RERE: variants seen among roughly 807,000 people sequenced by gnomAD.
The protein encoded by RERE is arginine-glutamic acid dipeptide repeats protein.
In RERE, 40 loss-of-function variants were observed where a neutral mutation model predicts 146.1. The ratio of observed to expected loss-of-function variants is 0.27; its 90% CI spans 0.21 to 0.36. RERE has a LOEUF of 0.36. RERE is among the 10% of genes least tolerant of loss of function. RERE has a pLI of 1.00. For missense variants in RERE, 1,933 were observed against 2,138.7 expected, an observed-to-expected ratio of 0.90 and a Z score of 1.90; for synonymous variants, 1,003 against 866.0, an observed-to-expected ratio of 1.16 and a Z score of -2.78.
At chr1:8,398,860 C>T (rs746870200) in intron 12 of RERE, among the ~76,000 whole-genome samples, 1 of 152,206 alleles carries the variant, frequency 6.6e-6, no homozygotes, top group Non-Finnish European at 1.5e-5. Flanking sequence ...ACAGGTGCAT[C>T]AATGTGCGCG....
rs954622529 is a variant in RERE, at chr1:8,358,764, G to A, written c.3771C>T (p.Ser1257=). The A allele has an allele frequency of 2.0e-5, 33 of 1,612,266 alleles. No individual in the cohort carries two copies. Among genetic ancestry groups the A allele is most frequent in the Non-Finnish European group, 2.6e-5 (31 of 1,179,092 alleles). Residue 1257 remains serine, a synonymous_variant, in exon 20 of 23, where the codon AGC becomes AGT. Transcript: ENST00000400908. ...GPDTPALRTL[S]EYARPHVMSP... is the part of the protein sequence containing the mutation. Reference sequence around the variant, plus strand: ...ACATGACGTGGGGCCGGGCGTACTCGCTCAGAGTCCGAAGGGCAGGTGTGT... The same window carrying A: ...ACATGACGTGGGGCCGGGCGTACTCACTCAGAGTCCGAAGGGCAGGTGTGT...
chr1:8,681,073 A>C (rs1638954236), intron 1 of RERE, among the ~76,000 whole-genome samples: 1 of 152,178 alleles, frequency 6.6e-6, no homozygotes, highest in African/African-American at 2.4e-5. Flanking sequence ...CCGGGAAACA[A>C]ATTTCCTAGG....
intron 4 of RERE, among the ~76,000 whole-genome samples, chr1:8,614,049 T>C (rs976968828): frequency 3.9e-5 from 6 of 152,130 alleles, no homozygotes; most frequent in African/African-American, 1.4e-4. Context: ...TTAAGAAGTA[T>C]AGCTACAGCC....
intron 1 of RERE, among the ~76,000 whole-genome samples, chr1:8,737,795 A>G (rs756718815): frequency 1.3e-5 from 2 of 152,166 alleles, no homozygotes; most frequent in Non-Finnish European, 2.9e-5. Flanking sequence ...CACGCAGTAC[A>G]TTTCAACTTT....
intron 12 of RERE, among the ~76,000 whole-genome samples, chr1:8,370,534 C>A (rs12079653): frequency 0.16 from 24,377 of 152,144 alleles, 2,209 homozygotes; most frequent in South Asian, 0.28. Context: ...AAAACAACAA[C>A]AAATCCAGGC....
intron 8 of RERE, among the ~76,000 whole-genome samples, chr1:8,498,070 T>A (rs1183768367): frequency 6.6e-6 from 1 of 152,142 alleles, no homozygotes; most frequent in African/African-American, 2.4e-5. Flanking sequence ...CATTAAAAAA[T>A]ATAGTTGAGG....
chr1:8,392,762 A>G (rs1274084677), intron 12 of RERE, among the ~76,000 whole-genome samples: 3 of 152,168 alleles, frequency 2.0e-5, no homozygotes, highest in Admixed American at 2.0e-4. Flanking sequence ...AAACATTTCT[A>G]TCAAGTGGGC....
intron 11 of RERE, among the ~76,000 whole-genome samples, chr1:8,450,148 G>T (rs1039981008): frequency 6.6e-6 from 1 of 151,962 alleles, no homozygotes; most frequent in Non-Finnish European, 1.5e-5. Context: ...ACTCATTGTT[G>T]AGTGACTGAG....
At chr1:8,574,355 T>TA (rs1183112445) in intron 4 of RERE, among the ~76,000 whole-genome samples, 2 of 144,360 alleles carry the variant, frequency 1.4e-5, no homozygotes, top group East Asian at 4.0e-4. Flanking sequence ...TTTTTTTTTT[T>TA]TTTTTTTGAG....
At chr1:8,541,437 C>T (rs1557679403) in intron 6 of RERE, 119 bp from the exon 7 acceptor site, 1 of 602,760 alleles carries the variant, frequency 1.7e-6, no homozygotes, top group Non-Finnish European at 2.9e-6. Flanking sequence ...GAATCGGCTA[C>T]AAACACCACA....
chr1:8,709,731 CTTA>C (rs1569601916), intron 1 of RERE, among the ~76,000 whole-genome samples: 1 of 152,144 alleles, frequency 6.6e-6, no homozygotes, highest in East Asian at 1.9e-4. Context: ...TAACAAGCCC[CTTA>C]TTGAGTCTTT....
At chr1:8,604,234 T>C (rs946267245) in intron 4 of RERE, among the ~76,000 whole-genome samples, 1 of 152,218 alleles carries the variant, frequency 6.6e-6, no homozygotes. Flanking sequence ...ACCGATACTA[T>C]GATTTTAACA....
chr1:8,372,360 T>C (rs1440505318), intron 12 of RERE, among the ~76,000 whole-genome samples: 1 of 152,102 alleles, frequency 6.6e-6, no homozygotes, highest in African/African-American at 2.4e-5. Context: ...GTCCCACTTT[T>C]TTTGGTAATT....
chr1:8,389,121 G>T (rs1642790476), intron 12 of RERE, among the ~76,000 whole-genome samples: 1 of 152,158 alleles, frequency 6.6e-6, no homozygotes, highest in East Asian at 1.9e-4. Flanking sequence ...GCTGGGAAGG[G>T]TGACATGAAA....
At chr1:8,785,905 A>G (rs1286392873) in intron 1 of RERE, among the ~76,000 whole-genome samples, 2 of 152,110 alleles carry the variant, frequency 1.3e-5, no homozygotes, top group Non-Finnish European at 2.9e-5. Flanking sequence ...TACAGGTATG[A>G]GCCATCGCGC....
intron 12 of RERE, among the ~76,000 whole-genome samples, chr1:8,390,122 A>G (rs1642833564): frequency 6.6e-6 from 1 of 152,168 alleles, no homozygotes; most frequent in South Asian, 2.1e-4. Flanking sequence ...CAAGACCTAG[A>G]AACAGTCATC....
In RERE at chr1:8,399,806, TA is replaced by T. The variant is rs59690444; in HGVS notation, c.1284+22920del. On this transcript the variant is annotated intron_variant, in intron 12 of 22. Transcript: ENST00000400908. ...TTTAATATTTTATTATGTCTTTTTT[TA>T]AAAAAAAAAATAAAGAATTTGCATA... Among the ~76,000 whole-genome samples, 939 of 149,118 alleles carry T rather than the reference TA, an allele frequency of 6.3e-3. 4 individuals carry two copies. Among genetic ancestry groups the T allele is most frequent in the African/African-American group, 0.013 (543 of 40,886 alleles).
intron 10 of RERE, among the ~76,000 whole-genome samples, chr1:8,482,133 T>A (rs547907023): frequency 3.6e-4 from 55 of 152,208 alleles, no homozygotes; most frequent in South Asian, 1.0e-3. Context: ...ATGTCCAGAA[T>A]AGGCATATCT....
rs1641937756 is a variant in RERE at position 8,817,431 on chromosome 1, G to A, written c.-416C>T. 1.3e-5 allele frequency: 2 copies of A among 151,680 alleles called. No individual in the cohort carries two copies. Among genetic ancestry groups the A allele is most frequent in the South Asian group, 4.2e-4 (2 of 4,800 alleles). The allele number at this position is 151,680 out of a possible 1,614,324, so 9.4% of individuals were successfully genotyped here. On this transcript the variant is annotated 5_prime_UTR_variant, in exon 1 of 23. Transcript: ENST00000400908. ...GATCATGTCTGGTTTTGTTTTCCGA[G>A]GGCGAGGGGGCTCCCTGAGGATGAT...
Sources: allele counts gnomAD v4.1 joint callset (sites outside exome capture counted in the v4.1 genomes callset), GRCh38; gene constraint gnomAD v4.1.1; transcripts MANE v1.5; gene names NCBI Gene and HGNC (gene_info 2026-07-23, HGNC 2026-07-21).